SMPX: variants seen among roughly 807,000 people sequenced by gnomAD.
SMPX encodes the protein small muscular protein.
Under a neutral mutation model 6.3 loss-of-function variants are expected in SMPX, and 2 were observed. The ratio of observed to expected loss-of-function variants is 0.32; its 90% CI spans 0.13 to 0.99. The LOEUF is 0.99. SMPX is among the 50% of genes least tolerant of loss of function. The pLI, the probability that SMPX is intolerant of heterozygous loss-of-function variation, is 0.49. For missense variants in SMPX, 60 were observed against 66.8 expected (o/e 0.90, Z 0.36); for synonymous variants, 32 against 24.7 (o/e 1.30, Z -0.88).
chrX:21,755,246 G>C lies in SMPX; in HGVS notation c.-12-944C>G, dbSNP rs187988716. On this transcript the variant is annotated intron_variant, in intron 1 of 4. Transcript: ENST00000379494. ...TAAAAATTCATTGAATTCAAAACAT[G>C]CTGTGTTTTAAACCCAAACTGTACA... 2.8e-3 allele frequency among the ~76,000 whole-genome samples: 314 copies of C among 112,559 alleles called. 2 individuals are homozygous for C. The highest frequency in any genetic ancestry group is 4.3e-3 in the Non-Finnish European group (230 of 53,291).
intron 4 of SMPX, among the ~76,000 whole-genome samples, chrX:21,708,503 C>T (rs1195869942): frequency 8.9e-6 from 1 of 112,213 alleles, no homozygotes; most frequent in Non-Finnish European, 1.9e-5. Flanking sequence ...AGATGAAATA[C>T]ATAGAAGTTC....
At chrX:21,750,996 T>G in intron 2 of SMPX, among the ~76,000 whole-genome samples, 1 of 112,486 alleles carries the variant, frequency 8.9e-6, no homozygotes, top group Non-Finnish European at 1.9e-5. Context: ...TTGCAGAGAT[T>G]TGTAACTATT....
At chrX:21,732,757 T>C (rs2092806322) in intron 4 of SMPX, among the ~76,000 whole-genome samples, 1 of 112,144 alleles carries the variant, frequency 8.9e-6, no homozygotes, top group Admixed American at 9.5e-5. Flanking sequence ...TGCATGTTTG[T>C]GTCCCTCCCC....
chrX:21,743,687 C>G (rs945319015), intron 3 of SMPX, 63 bp downstream of exon 3: 21 of 990,552 alleles, frequency 2.1e-5, no homozygotes, highest in South Asian at 3.8e-5. Context: ...GCCTCTGCCC[C>G]CTCTGGTGAG....
intron 4 of SMPX, among the ~76,000 whole-genome samples, chrX:21,708,167 A>C: frequency 8.9e-6 from 1 of 112,594 alleles, no homozygotes; most frequent in East Asian, 2.8e-4. Flanking sequence ...TTGTATTGCC[A>C]ATGGCTGGAG....
chrX:21,719,136 C>T (rs761063870), intron 4 of SMPX, among the ~76,000 whole-genome samples: 5 of 112,083 alleles, frequency 4.5e-5, no homozygotes, highest in Admixed American at 9.4e-5. Flanking sequence ...AATGGAACTC[C>T]AACTCCTGAG....
intron 2 of SMPX, among the ~76,000 whole-genome samples, chrX:21,746,515 A>G (rs2092821587): frequency 9.0e-6 from 1 of 111,516 alleles, no homozygotes; most frequent in Non-Finnish European, 1.9e-5. Flanking sequence ...GTCTTTGAAA[A>G]CGAGCAGATA....
intron 4 of SMPX, among the ~76,000 whole-genome samples, chrX:21,722,733 C>T (rs1364471251): frequency 9.0e-6 from 1 of 111,077 alleles, no homozygotes; most frequent in African/African-American, 3.3e-5. Context: ...GAGAGTCAGA[C>T]TGGGGTAATG....
chrX:21,749,100 G>C (rs1236026559), intron 2 of SMPX, among the ~76,000 whole-genome samples: 1 of 112,217 alleles, frequency 8.9e-6, no homozygotes, highest in African/African-American at 3.2e-5. Flanking sequence ...CTGAAACATG[G>C]AGCATCAGAA....
At chrX:21,743,076 T>C (rs1209968242) in intron 3 of SMPX, among the ~76,000 whole-genome samples, 1 of 112,091 alleles carries the variant, frequency 8.9e-6, no homozygotes, top group East Asian at 2.8e-4. Flanking sequence ...TTATTAATTT[T>C]AGCCTCCAAT....
At chrX:21,725,658 C>A (rs1050260096) in intron 4 of SMPX, among the ~76,000 whole-genome samples, 1 of 112,174 alleles carries the variant, frequency 8.9e-6, no homozygotes, top group African/African-American at 3.2e-5. Context: ...GTTTTGAAAA[C>A]TGGAACTGCA....
chrX:21,723,976 T>C (rs2092794412), intron 4 of SMPX, among the ~76,000 whole-genome samples: 1 of 112,003 alleles, frequency 8.9e-6, no homozygotes, highest in Non-Finnish European at 1.9e-5. Flanking sequence ...GTGCTGGGAA[T>C]CCCTGCCAGC....
chrX:21,715,314 GCGCGCGCT>G (rs2092783712), intron 4 of SMPX, among the ~76,000 whole-genome samples: 10 of 106,903 alleles, frequency 9.4e-5, no homozygotes, highest in African/African-American at 3.7e-4. Flanking sequence ...GCGCGCACGC[GCGCGCGCT>G]CGCGCGCTGG....
intron 4 of SMPX, among the ~76,000 whole-genome samples, chrX:21,707,977 G>T (rs2092774735): frequency 8.9e-6 from 1 of 112,668 alleles, no homozygotes; most frequent in Admixed American, 9.3e-5. Context: ...TTTGGGGTGT[G>T]ATTTGGTATG....
Position 21,706,282 on chromosome X carries a change from CA to C in SMPX, c.*126del, listed in dbSNP as rs2092772815. The C allele has an allele frequency of 2.0e-6, 1 of 496,055 alleles. No individual in the cohort carries two copies. The highest frequency in any genetic ancestry group is 2.3e-5 in the African/African-American group (1 of 42,753). 40.9% of individuals were successfully genotyped at this position (496,055 alleles called of 1,213,427 possible). Reference sequence around the variant, plus strand: ...AAGAGATATAAATGTACAAACAGGCCATTTCTGCTAGAGTCTCAGGCATTCA... The same window carrying C: ...AAGAGATATAAATGTACAAACAGGCCTTTCTGCTAGAGTCTCAGGCATTCA... On this transcript the variant is annotated 3_prime_UTR_variant, in exon 5 of 5. Transcript: ENST00000379494.
At chrX:21,739,443 G>T (rs1250020109) in intron 3 of SMPX, among the ~76,000 whole-genome samples, 1 of 111,997 alleles carries the variant, frequency 8.9e-6, no homozygotes, top group Non-Finnish European at 1.9e-5. Context: ...AAATGATAAA[G>T]TATTTCAATG....
intron 4 of SMPX, chrX:21,733,643 T>C (rs963704539): frequency 3.1e-6 from 1 of 318,733 alleles, no homozygotes; most frequent in Non-Finnish European, 6.0e-6. Flanking sequence ...GTAGAATTAT[T>C]CTTAGGTTTT....
intron 2 of SMPX, among the ~76,000 whole-genome samples, chrX:21,745,348 A>G (rs1156258795): frequency 9.0e-6 from 1 of 111,576 alleles, no homozygotes; most frequent in East Asian, 2.8e-4. Context: ...GGCATAAGAG[A>G]GGAGAAAGAT....
chrX:21,726,266 C>G (rs924693194), intron 4 of SMPX, among the ~76,000 whole-genome samples: 4 of 112,246 alleles, frequency 3.6e-5, no homozygotes, highest in Non-Finnish European at 5.6e-5. Flanking sequence ...GACACAGCCA[C>G]AGCCCACTCT....
Sources: gnomAD v4.1 joint callset for allele counts (sites outside exome capture counted in the v4.1 genomes callset) on GRCh38, gnomAD v4.1.1 for gene constraint, MANE v1.5 for transcripts, NCBI Gene and HGNC (gene_info 2026-07-23, HGNC 2026-07-21) for gene names.